ZFPM2: variants seen among roughly 807,000 people sequenced by gnomAD.
The protein encoded by ZFPM2 is zinc finger protein, FOG family member 2.
ZFPM2 carries 20 observed loss-of-function variants against 98.6 expected under a neutral mutation model. The ratio of observed to expected loss-of-function variants is 0.20; its 90% CI spans 0.14 to 0.29. The LOEUF (loss-of-function observed/expected upper bound fraction) is 0.29, where lower values mean the gene tolerates loss of function less well. Among genes scored for constraint, ZFPM2 ranks in the 10% least tolerant of loss-of-function variants. The pLI, the probability that ZFPM2 is intolerant of heterozygous loss-of-function variation, is 1.00. For synonymous variants in ZFPM2, 518 were observed against 502.7 expected (o/e 1.03, Z -0.41); for missense variants, 1,310 against 1,388.6 (o/e 0.94, Z 0.90).
At chr8:105,613,380 G>T (rs777153782) in intron 4 of ZFPM2, among the ~76,000 whole-genome samples, 1 of 152,012 alleles carries the variant, frequency 6.6e-6, no homozygotes, top group South Asian at 2.1e-4. Flanking sequence ...TACTATTAGA[G>T]TAAATGTCAA....
chr8:105,378,319 T>G (rs1810772001), intron 1 of ZFPM2, among the ~76,000 whole-genome samples: 1 of 152,130 alleles, frequency 6.6e-6, no homozygotes, highest in South Asian at 2.1e-4. Context: ...ATCCTATATT[T>G]TAATCCATAG....
intron 3 of ZFPM2, among the ~76,000 whole-genome samples, chr8:105,528,363 C>T (rs1306700986): frequency 6.6e-6 from 1 of 151,860 alleles, no homozygotes; most frequent in Non-Finnish European, 1.5e-5. Context: ...GGGAGACTGC[C>T]GTAAGGAAGT....
At chr8:105,595,354 A>G (rs1053726037) in intron 4 of ZFPM2, among the ~76,000 whole-genome samples, 1 of 152,100 alleles carries the variant, frequency 6.6e-6, no homozygotes, top group Non-Finnish European at 1.5e-5. Context: ...TTACACCCAA[A>G]AAAACATAGA....
chr8:105,583,442 G>A (rs1174956835), intron 4 of ZFPM2, among the ~76,000 whole-genome samples: 1 of 152,040 alleles, frequency 6.6e-6, no homozygotes, highest in South Asian at 2.1e-4. Context: ...AAAAAAAATA[G>A]AGCAACAAAT....
At chr8:105,322,569 T>C (rs968271492) in intron 1 of ZFPM2, among the ~76,000 whole-genome samples, 2 of 152,144 alleles carry the variant, frequency 1.3e-5, no homozygotes, top group Non-Finnish European at 2.9e-5. Context: ...AAAGGCACTC[T>C]TCTTTATACC....
At chr8:105,518,022 T>A (rs974254866) in intron 3 of ZFPM2, among the ~76,000 whole-genome samples, 1 of 152,172 alleles carries the variant, frequency 6.6e-6, no homozygotes, top group African/African-American at 2.4e-5. Flanking sequence ...ATGGATAATA[T>A]TTTCCTCTGA....
intron 3 of ZFPM2, among the ~76,000 whole-genome samples, chr8:105,521,438 TATTA>T (rs896379284): frequency 9.9e-5 from 15 of 152,070 alleles, no homozygotes; most frequent in Non-Finnish European, 1.8e-4. Flanking sequence ...ATCATCACAG[TATTA>T]ATTAATGGCT....
chr8:105,606,499 T>C (rs1476037592), intron 4 of ZFPM2, among the ~76,000 whole-genome samples: 1 of 152,046 alleles, frequency 6.6e-6, no homozygotes, highest in African/African-American at 2.4e-5. Context: ...GTGCTCCAAT[T>C]GGCTGGTCTG....
chr8:105,631,431 C>T (rs1816753722), intron 4 of ZFPM2, among the ~76,000 whole-genome samples: 1 of 152,134 alleles, frequency 6.6e-6, no homozygotes, highest in African/African-American at 2.4e-5. Context: ...AACACAGTCC[C>T]AGAACTCCCA....
chr8:105,433,526 G>A (rs1414067112), intron 2 of ZFPM2, among the ~76,000 whole-genome samples: 1 of 152,158 alleles, frequency 6.6e-6, no homozygotes, highest in African/African-American at 2.4e-5. Context: ...GGTGGCTCAT[G>A]CCCGTAATCT....
At chr8:105,696,471 G>C (rs1343516201) in intron 5 of ZFPM2, among the ~76,000 whole-genome samples, 1 of 152,088 alleles carries the variant, frequency 6.6e-6, no homozygotes, top group Non-Finnish European at 1.5e-5. Flanking sequence ...GACCAGAAGA[G>C]AGCTTTATTT....
chr8:105,652,178 T>G (rs1392640854), intron 5 of ZFPM2, among the ~76,000 whole-genome samples: 1 of 151,274 alleles, frequency 6.6e-6, no homozygotes, highest in Non-Finnish European at 1.5e-5. Context: ...ATAGTAACAG[T>G]GTCTGTTTCA....
chr8:105,786,037 G>A (rs1226134079), intron 5 of ZFPM2, among the ~76,000 whole-genome samples: 2 of 89,064 alleles, frequency 2.2e-5, no homozygotes, highest in East Asian at 6.3e-4. Context: ...GGGAGACTCC[G>A]TCTCAAAAAA....
intron 4 of ZFPM2, among the ~76,000 whole-genome samples, chr8:105,582,491 A>G (rs963658): frequency 0.18 from 27,056 of 152,122 alleles, 2,661 homozygotes; most frequent in Middle Eastern, 0.25. Context: ...TCTCTACAGT[A>G]AAGAATAATC....
chr8:105,725,179 C>A (rs1811778155), intron 5 of ZFPM2, among the ~76,000 whole-genome samples: 1 of 151,764 alleles, frequency 6.6e-6, no homozygotes, highest in African/African-American at 2.4e-5. Flanking sequence ...TTTTGCTTTT[C>A]CAATCAGTTT....
At chr8:105,435,619 T>C (rs1484271539) in intron 2 of ZFPM2, among the ~76,000 whole-genome samples, 1 of 152,032 alleles carries the variant, frequency 6.6e-6, no homozygotes, top group Admixed American at 6.6e-5. Flanking sequence ...TTTCCTAAGC[T>C]ACTCTAGAGT....
chr8:105,330,790 T>C (rs1204454609), intron 1 of ZFPM2, among the ~76,000 whole-genome samples: 1 of 150,198 alleles, frequency 6.7e-6, no homozygotes, highest in Non-Finnish European at 1.5e-5. Context: ...ATATTATTTA[T>C]TGATGGTAGC....
chr8:105,592,372 C>G (rs1475445468), intron 4 of ZFPM2, among the ~76,000 whole-genome samples: 1 of 152,020 alleles, frequency 6.6e-6, no homozygotes, highest in Non-Finnish European at 1.5e-5. Flanking sequence ...TGAAGGGTGG[C>G]CAAATTGGCA....
At chr8:105,779,999 C>G (rs984993162) in intron 5 of ZFPM2, among the ~76,000 whole-genome samples, 1 of 152,138 alleles carries the variant, frequency 6.6e-6, no homozygotes, top group South Asian at 2.1e-4. Flanking sequence ...TGTTAGAAAC[C>G]GTATCTGGTT....
Sources: allele counts gnomAD v4.1 joint callset (sites outside exome capture counted in the v4.1 genomes callset), GRCh38; gene constraint gnomAD v4.1.1; transcripts MANE v1.5; gene names NCBI Gene and HGNC (gene_info 2026-07-23, HGNC 2026-07-21).